Variants in TRIM24 observed in about 807,000 individuals in gnomAD.
The protein encoded by TRIM24 is transcription intermediary factor 1-alpha.
TRIM24 carries 29 observed loss-of-function variants against 123.9 expected under a neutral mutation model. The observed-to-expected ratio is 0.23, with a 90% CI of 0.17 to 0.32. The LOEUF is 0.32. Ranked by LOEUF, TRIM24 falls within the 10% of genes least tolerant of loss-of-function variation. The pLI, the probability that TRIM24 is intolerant of heterozygous loss-of-function variation, is 1.00. For missense variants in TRIM24, 932 were observed against 1,295.3 expected, an observed-to-expected ratio of 0.72 and a Z score of 4.31; for synonymous variants, 456 against 461.1, an observed-to-expected ratio of 0.99 and a Z score of 0.14.
chr7:138,549,322 C>T (rs1208478079), intron 7 of TRIM24, among the ~76,000 whole-genome samples: 2 of 152,146 alleles, frequency 1.3e-5, no homozygotes, highest in Admixed American at 6.5e-5. Context: ...AAACTGAGCC[C>T]TGGGCATTCC....
chr7:138,509,530 C>A (rs1222937978), intron 2 of TRIM24, among the ~76,000 whole-genome samples: 2 of 149,118 alleles, frequency 1.3e-5, no homozygotes, highest in African/African-American at 4.9e-5. Context: ...GGTGAAAGCC[C>A]GTCTCTACTA....
chr7:138,505,776 A>T (rs868099239), intron 2 of TRIM24, among the ~76,000 whole-genome samples: 61 of 152,304 alleles, frequency 4.0e-4, no homozygotes, highest in Middle Eastern at 3.4e-3. Context: ...GTTTGTTTCT[A>T]ATTTCTATAA....
At position 138,585,593 on chromosome 7, in the gene TRIM24, T is replaced by G. The variant is rs1359329638; in HGVS notation, c.*642T>G. 6.7e-6 allele frequency: 2 copies of G among 299,904 alleles called. No individual in the cohort carries two copies. The highest frequency in any genetic ancestry group is 6.9e-5 in the East Asian group (1 of 14,594). The allele number at this position is 299,904 out of a possible 1,614,324, so 18.6% of individuals were successfully genotyped here. A position where few individuals can be genotyped will look rare whatever the true frequency, so the allele number is the denominator to read the frequency against. On this transcript the variant is annotated 3_prime_UTR_variant, in exon 19 of 19. Coordinates refer to ENST00000343526, the MANE Select transcript of TRIM24 (RefSeq NM_015905.3). ...AAGAAAAATCCGGAAAACAAATGTT[T>G]GATTTTTGTTTTTGTTTTTATCTTG...
intron 5 of TRIM24, among the ~76,000 whole-genome samples, chr7:138,528,536 T>A (rs1006222533): frequency 6.6e-6 from 1 of 152,090 alleles, no homozygotes; most frequent in Non-Finnish European, 1.5e-5. Flanking sequence ...TTTTCTTTAA[T>A]TTCCCACCTC....
At chr7:138,575,381 C>T (rs559480769) in intron 12 of TRIM24, among the ~76,000 whole-genome samples, 7 of 151,908 alleles carry the variant, frequency 4.6e-5, no homozygotes, top group South Asian at 4.2e-4. Context: ...CAGCCTCATA[C>T]GCTTGGGCTC....
intron 7 of TRIM24, among the ~76,000 whole-genome samples, chr7:138,548,624 T>G (rs762841366): frequency 1.3e-5 from 2 of 152,214 alleles, no homozygotes; most frequent in Non-Finnish European, 2.9e-5. Flanking sequence ...TTTTCTTCAA[T>G]AATAAATTTT....
intron 1 of TRIM24, among the ~76,000 whole-genome samples, chr7:138,474,254 T>C (rs1325256124): frequency 6.6e-6 from 1 of 151,810 alleles, no homozygotes; most frequent in African/African-American, 2.4e-5. Context: ...GCCTCCCAAG[T>C]AGCTGGGACT....
intron 8 of TRIM24, among the ~76,000 whole-genome samples, chr7:138,552,476 G>A (rs549146364): frequency 6.6e-6 from 1 of 151,724 alleles, no homozygotes; most frequent in Non-Finnish European, 1.5e-5. Context: ...TTCTCACAGG[G>A]AAACTATACA....
chr7:138,504,445 C>CAA, intron 2 of TRIM24, 37 bp downstream of exon 2: 1 of 311,378 alleles, frequency 3.2e-6, no homozygotes, highest in Non-Finnish European at 4.9e-6. Context: ...TGCCTGCCAG[C>CAA]TCTTTTTTTT....
At chr7:138,559,808 G>T (rs1472803092) in intron 9 of TRIM24, among the ~76,000 whole-genome samples, 1 of 152,228 alleles carries the variant, frequency 6.6e-6, no homozygotes, top group Non-Finnish European at 1.5e-5. Flanking sequence ...CAAGATTACA[G>T]TATGGGGCCC....
intron 1 of TRIM24, among the ~76,000 whole-genome samples, chr7:138,463,989 C>CATTTT (rs1554429651): frequency 1.4e-4 from 7 of 50,758 alleles, no homozygotes; most frequent in African/African-American, 4.1e-4. Flanking sequence ...AAAATTTAGA[C>CATTTT]TTTTTTTTTT....
intron 7 of TRIM24, among the ~76,000 whole-genome samples, chr7:138,541,444 TTTTAAAATCC>T (rs1164656228): frequency 6.6e-6 from 1 of 152,206 alleles, no homozygotes; most frequent in Admixed American, 6.5e-5. Flanking sequence ...AGCAGTAATA[TTTTAAAATCC>T]TTTATTTTCT....
At chr7:138,553,687 C>G (rs1208753199) in intron 8 of TRIM24, among the ~76,000 whole-genome samples, 1 of 152,088 alleles carries the variant, frequency 6.6e-6, no homozygotes, top group Non-Finnish European at 1.5e-5. Flanking sequence ...TTCAGAAATA[C>G]TTTTTGGGAT....
intron 14 of TRIM24, 22 bp downstream of exon 14, chr7:138,577,610 G>A (rs2116684557): frequency 3.2e-6 from 5 of 1,571,444 alleles, no homozygotes; most frequent in Non-Finnish European, 4.3e-6. Flanking sequence ...TGCTTGCAAT[G>A]CTATTCCTAT....
At chr7:138,556,144 C>T (rs2116639095) in intron 9 of TRIM24, 1 of 152,166 alleles carries the variant, frequency 6.6e-6, no homozygotes, top group East Asian at 1.9e-4. Context: ...ATATAAAACC[C>T]TTCAATTCAT....
At chr7:138,546,348 G>T (rs1385143162) in intron 7 of TRIM24, among the ~76,000 whole-genome samples, 1 of 152,146 alleles carries the variant, frequency 6.6e-6, no homozygotes, top group Admixed American at 6.5e-5. Context: ...ATGAACGAAA[G>T]GGAAAGACTG....
At chr7:138,462,231 G>A (rs1174440574) in intron 1 of TRIM24, among the ~76,000 whole-genome samples, 2 of 152,086 alleles carry the variant, frequency 1.3e-5, no homozygotes, top group South Asian at 2.1e-4. Context: ...GGTTCCCTAA[G>A]CTTAGGGTTC....
intron 14 of TRIM24, 63 bp from the exon 15 acceptor site, chr7:138,579,141 A>C (rs1336841520): frequency 7.2e-7 from 1 of 1,383,806 alleles, no homozygotes; most frequent in Non-Finnish European, 9.8e-7. Flanking sequence ...TCTACAGTTC[A>C]GAATTGCATT....
chr7:138,524,607 A>C (rs904950696), intron 4 of TRIM24, among the ~76,000 whole-genome samples: 1 of 152,148 alleles, frequency 6.6e-6, no homozygotes, highest in Admixed American at 6.5e-5. Flanking sequence ...CTTAAATAAA[A>C]TTCTTGTTAT....
Sources: allele counts gnomAD v4.1 joint callset (sites outside exome capture counted in the v4.1 genomes callset), GRCh38; gene constraint gnomAD v4.1.1; transcripts MANE v1.5; gene names NCBI Gene and HGNC (gene_info 2026-07-23, HGNC 2026-07-21).